RTKN2: variants seen among roughly 807,000 people sequenced by gnomAD.
RTKN2 encodes the protein rhotekin-2.
In RTKN2, 69 loss-of-function variants were observed where a neutral mutation model predicts 71.5. The ratio of observed to expected loss-of-function variants is 0.96; its 90% CI spans 0.79 to 1.18. RTKN2 has a LOEUF of 1.18. RTKN2 is among the 50% of genes most tolerant of loss of function. The probability of loss-of-function intolerance (pLI) is 0.00; values close to 1 mark genes in which losing one functional copy is unlikely to be tolerated. For missense variants in RTKN2, 724 were observed against 719.7 expected, an observed-to-expected ratio of 1.01 and a Z score of -0.07; for synonymous variants, 236 against 236.5, an observed-to-expected ratio of 1.00 and a Z score of 0.02.
At chr10:62,216,725 A>G (rs1042718724) in intron 9 of RTKN2, among the ~76,000 whole-genome samples, 4 of 152,112 alleles carry the variant, frequency 2.6e-5, no homozygotes, top group African/African-American at 7.2e-5. Context: ...AAGAAATCAG[A>G]AAGTATAGTC....
chr10:62,249,446 G>A (rs1455605913), intron 2 of RTKN2, among the ~76,000 whole-genome samples: 1 of 133,948 alleles, frequency 7.5e-6, no homozygotes, highest in Admixed American at 8.3e-5. Flanking sequence ...TAAGCTCCGT[G>A]TGTACTTTTT....
intron 9 of RTKN2, among the ~76,000 whole-genome samples, chr10:62,214,081 C>A (rs965751140): frequency 6.6e-6 from 1 of 151,600 alleles, no homozygotes; most frequent in Admixed American, 6.6e-5. Flanking sequence ...ACACAGGAAA[C>A]CAACACTGGA....
downstream of RTKN2, among the ~76,000 whole-genome samples, chr10:62,189,755 T>C (rs1455275358): frequency 6.6e-6 from 1 of 151,696 alleles, no homozygotes; most frequent in Admixed American, 6.6e-5. Flanking sequence ...GAACCTGGCT[T>C]GAAGGGGAGG....
At chr10:62,260,908 T>A (rs1842760855) in intron 2 of RTKN2, among the ~76,000 whole-genome samples, 1 of 152,150 alleles carries the variant, frequency 6.6e-6, no homozygotes. Flanking sequence ...AAACTGCCCC[T>A]CTTGACAAAA....
rs1841343931 is a variant in RTKN2 at position 62,196,962 on chromosome 10, A to C, written c.*946T>G. 1.0e-6 allele frequency: 1 copy of C among 977,658 alleles called. No homozygotes were observed. The highest frequency in any genetic ancestry group is 1.1e-4 in the East Asian group (1 of 8,776). 60.6% of individuals were successfully genotyped at this position (977,658 alleles called of 1,614,324 possible). ...CACTGTTGTAAGAATATGACATTTAATGAAAAATACCACTAGCAGACATCA... is the reference window on the plus strand; with the variant it reads ...CACTGTTGTAAGAATATGACATTTACTGAAAAATACCACTAGCAGACATCA... On this transcript the variant is annotated 3_prime_UTR_variant, in exon 12 of 12. Transcript: ENST00000373789.
intron 1 of RTKN2, among the ~76,000 whole-genome samples, chr10:62,264,819 G>A (rs1295238858): frequency 1.4e-5 from 2 of 141,964 alleles, no homozygotes; most frequent in African/African-American, 2.6e-5. Context: ...CAGGCTCTCT[G>A]GAGGTGGGGC....
At position 62,196,386 on chromosome 10, in the gene RTKN2, C is replaced by T; in HGVS notation, c.*1522G>A. The T allele has an allele frequency of 1.0e-6, 1 of 985,222 alleles. No individual in the cohort carries two copies. Among genetic ancestry groups the T allele is most frequent in the Non-Finnish European group, 1.2e-6 (1 of 829,744 alleles). 61.0% of individuals were successfully genotyped at this position (985,222 alleles called of 1,614,324 possible). A position where few individuals can be genotyped will look rare whatever the true frequency, so the allele number is the denominator to read the frequency against. On this transcript the variant is annotated 3_prime_UTR_variant, in exon 12 of 12. Coordinates refer to ENST00000373789, the MANE Select transcript of RTKN2 (RefSeq NM_145307.4). ...CTGTCTGTCCTGATGTTACCAGTCA[C>T]AAGAAACCTTTTGTTATCATTACTC...
chr10:62,230,894 A>C (rs1439250302), intron 6 of RTKN2, among the ~76,000 whole-genome samples: 2 of 152,242 alleles, frequency 1.3e-5, no homozygotes, highest in Non-Finnish European at 2.9e-5. Context: ...TTTTGAGTGC[A>C]GGGACCTATT....
Position 62,193,677 on chromosome 10 carries a change from G to A in RTKN2, c.*4231C>T, listed in dbSNP as rs2132771319. 14 of 985,200 alleles carry A rather than the reference G, an allele frequency of 1.4e-5. No individual in the cohort carries two copies. Among genetic ancestry groups the A allele is most frequent in the Non-Finnish European group, 1.7e-5 (14 of 829,776 alleles). 61.0% of individuals were successfully genotyped at this position (985,200 alleles called of 1,614,324 possible). ...ACTGAGGGAGGTACATTAAAATAAGGAGACTCCTTGTGGCTAGTAGCGACT... is the reference window on the plus strand; with the variant it reads ...ACTGAGGGAGGTACATTAAAATAAGAAGACTCCTTGTGGCTAGTAGCGACT... On this transcript the variant is annotated 3_prime_UTR_variant, in exon 12 of 12. Coordinates refer to ENST00000373789, the MANE Select transcript of RTKN2 (RefSeq NM_145307.4).
downstream of RTKN2, among the ~76,000 whole-genome samples, chr10:62,188,461 C>G (rs1841169340): frequency 6.6e-6 from 1 of 152,156 alleles, no homozygotes; most frequent in Non-Finnish European, 1.5e-5. Flanking sequence ...ATCACTAAGT[C>G]CAGCCCACAA....
chr10:62,254,011 T>A (rs1842628789), intron 2 of RTKN2, among the ~76,000 whole-genome samples: 1 of 152,092 alleles, frequency 6.6e-6, no homozygotes, highest in Non-Finnish European at 1.5e-5. Flanking sequence ...AGCTACTAAT[T>A]GGAAACTGGG....
Position 62,194,869 on chromosome 10 carries a change from T to C in RTKN2, c.*3039A>G. ...AAGGGTAAAGATAAGGCATTTATAATAAATGGATTTAGTTTTCCACATATA... is the reference window on the plus strand; with the variant it reads ...AAGGGTAAAGATAAGGCATTTATAACAAATGGATTTAGTTTTCCACATATA... On this transcript the variant is annotated 3_prime_UTR_variant, in exon 12 of 12. Coordinates refer to ENST00000373789, the MANE Select transcript of RTKN2 (RefSeq NM_145307.4). 1.0e-6 allele frequency: 1 copy of C among 985,030 alleles called. No individual in the cohort carries two copies. Among genetic ancestry groups the C allele is most frequent in the Non-Finnish European group, 1.2e-6 (1 of 829,544 alleles). The allele number at this position is 985,030 out of a possible 1,614,324, so 61.0% of individuals were successfully genotyped here. A position where few individuals can be genotyped will look rare whatever the true frequency, so the allele number is the denominator to read the frequency against.
intron 1 of RTKN2, among the ~76,000 whole-genome samples, chr10:62,266,529 C>G (rs1221361098): frequency 8.3e-6 from 1 of 120,852 alleles, no homozygotes; most frequent in Non-Finnish European, 1.8e-5. Flanking sequence ...TAACAGCGGC[C>G]ATTCTGGGGA....
In RTKN2 at chr10:62,195,892, C is replaced by T. The variant is rs1841321210; in HGVS notation, c.*2016G>A. 6 of 985,160 alleles carry T rather than the reference C, an allele frequency of 6.1e-6. No individual in the cohort carries two copies. Among genetic ancestry groups the T allele is most frequent in the Non-Finnish European group, 7.2e-6 (6 of 829,774 alleles). 61.0% of individuals were successfully genotyped at this position (985,160 alleles called of 1,614,324 possible). ...TTCAGTCCTGTTTCAAAGTTCTACT[C>T]TGAGGGCACAACTGCTAGGTAATTT... On this transcript the variant is annotated 3_prime_UTR_variant, in exon 12 of 12. Transcript: ENST00000373789.
chr10:62,197,863 T>G lies in RTKN2; in HGVS notation c.*45A>C. On this transcript the variant is annotated 3_prime_UTR_variant, in exon 12 of 12. Transcript: ENST00000373789. ...ATTCTATAATGCCTCTGAATTAAGC[T>G]TCACAGTTATAGATTTTGTTAAATG... 6.5e-7 allele frequency: 1 copy of G among 1,545,718 alleles called. No homozygotes were observed. The highest frequency in any genetic ancestry group is 8.7e-7 in the Non-Finnish European group (1 of 1,149,364).
intron 2 of RTKN2, among the ~76,000 whole-genome samples, chr10:62,254,766 CCT>C (rs1842644199): frequency 6.6e-6 from 1 of 151,936 alleles, no homozygotes; most frequent in African/African-American, 2.4e-5. Flanking sequence ...ATAGCAAGAC[CCT>C]GTTTCTACAA....
At chr10:62,241,278 TA>T in intron 3 of RTKN2, 83 bp from the exon 4 acceptor site, 1 of 758,258 alleles carries the variant, frequency 1.3e-6, no homozygotes. Flanking sequence ...CTGCATTCCA[TA>T]ATAATTCTGA....
chr10:62,188,786 C>T (rs879265625), downstream of RTKN2, among the ~76,000 whole-genome samples: 28 of 151,664 alleles, frequency 1.8e-4, no homozygotes, highest in African/African-American at 4.6e-4. Flanking sequence ...CTCCCTCTGT[C>T]GCCCAGGCTG....
At chr10:62,241,994 T>C (rs7093483) in intron 3 of RTKN2, among the ~76,000 whole-genome samples, 110,049 of 150,284 alleles carry the variant, frequency 0.73, 40,542 homozygotes, top group East Asian at 0.9. Context: ...CCACTGTGCC[T>C]GGCTGCCTAA....
Sources: allele counts gnomAD v4.1 joint callset (sites outside exome capture counted in the v4.1 genomes callset), GRCh38; gene constraint gnomAD v4.1.1; transcripts MANE v1.5; gene names NCBI Gene and HGNC (gene_info 2026-07-23, HGNC 2026-07-21).